Variants in PCDHGB4 observed in about 807,000 individuals in gnomAD.
PCDHGB4 encodes protocadherin gamma subfamily B, 4, also known as protocadherin gamma-B4.
A neutral mutation model predicts 60.5 loss-of-function variants in PCDHGB4; 38 were observed. The observed-to-expected ratio is 0.63, with a 90% CI of 0.48 to 0.82. The LOEUF is 0.82. Ranked by LOEUF, PCDHGB4 falls within the 40% of genes least tolerant of loss-of-function variation. PCDHGB4 has a pLI of 0.00. For synonymous variants in PCDHGB4, 456 were observed against 509.7 expected (o/e 0.89, Z 1.42); for missense variants, 1,109 against 1,209.6 (o/e 0.92, Z 1.23).
intron 1 of PCDHGB4, among the ~76,000 whole-genome samples, chr5:141,444,503 T>C (rs2098438734): frequency 6.6e-6 from 1 of 152,088 alleles, no homozygotes; most frequent in Non-Finnish European, 1.5e-5. Flanking sequence ...AATACTTTGC[T>C]CTAGCAGTAT....
intron 1 of PCDHGB4, among the ~76,000 whole-genome samples, chr5:141,470,504 G>A (rs914828244): frequency 6.6e-6 from 1 of 152,114 alleles, no homozygotes; most frequent in Admixed American, 6.6e-5. Flanking sequence ...TAGGTAATTA[G>A]ACAGTTAGCT....
rs1245731818 is a variant in PCDHGB4, at chr5:141,476,700, A to C, written c.2398-18107A>C. 1 of 1,614,096 alleles carries C rather than the reference A, an allele frequency of 6.2e-7. No homozygotes were observed. Among genetic ancestry groups the C allele is most frequent in the Non-Finnish European group, 8.5e-7 (1 of 1,180,016 alleles). On this transcript the variant is annotated intron_variant, in intron 1 of 3. Coordinates refer to ENST00000519479, the MANE Select transcript of PCDHGB4 (RefSeq NM_003736.4). This position sits in a 1 kb window ranked among gnomAD's most constrained non-coding sequence, Gnocchi z 7.6. Reference sequence around the variant, plus strand: ...CGGGAGGACAGCACCAAGTACGCGGAGCTGGTGTTGGAGCGCGCCCTGGAC... The same window carrying C: ...CGGGAGGACAGCACCAAGTACGCGGCGCTGGTGTTGGAGCGCGCCCTGGAC...
chr5:141,415,428 G>A, intron 1 of PCDHGB4: 1 of 1,614,206 alleles, frequency 6.2e-7, no homozygotes, highest in Non-Finnish European at 8.5e-7. Flanking sequence ...ACGGGGTTCG[G>A]GCTTTCCTGC....
intron 1 of PCDHGB4, chr5:141,407,933 TG>T: frequency 2.0e-6 from 1 of 505,054 alleles, no homozygotes; most frequent in Non-Finnish European, 3.4e-6. Flanking sequence ...ACGGAGCCTC[TG>T]GGCGCCGCTG....
At chr5:141,495,463 G>T (rs1562169154) in intron 2 of PCDHGB4, among the ~76,000 whole-genome samples, 1 of 152,114 alleles carries the variant, frequency 6.6e-6, no homozygotes, top group Non-Finnish European at 1.5e-5. Context: ...TCTGTCTGTG[G>T]GGTCTCCGTG....
chr5:141,489,431 T>C lies in PCDHGB4; in HGVS notation c.2398-5376T>C. 6.2e-7 allele frequency: 1 copy of C among 1,614,132 alleles called. No individual in the cohort carries two copies. Among genetic ancestry groups the C allele is most frequent in the Non-Finnish European group, 8.5e-7 (1 of 1,180,024 alleles). On this transcript the variant is annotated intron_variant, in intron 1 of 3. Transcript: ENST00000519479. This position sits in a 1 kb window ranked among gnomAD's most constrained non-coding sequence, Gnocchi z 4.5. ...ATGACAGATCTGTTGAGCCGGCGGC[T>C]GCAATTGGGCTCTGAGGAGAATGGG...
chr5:141,412,931 T>C (rs1010992022), intron 1 of PCDHGB4: 5 of 453,108 alleles, frequency 1.1e-5, no homozygotes, highest in African/African-American at 2.0e-5. Flanking sequence ...CAGTAACTTC[T>C]TAGGACTCTG....
intron 1 of PCDHGB4, chr5:141,409,924 C>A (rs760490649): frequency 6.2e-7 from 1 of 1,613,416 alleles, no homozygotes; most frequent in Admixed American, 1.7e-5. Flanking sequence ...GCTCCGCGTT[C>A]TTCGATATGG....
intron 1 of PCDHGB4, among the ~76,000 whole-genome samples, chr5:141,481,789 T>TAAAAATAC (rs972511310): frequency 3.3e-5 from 5 of 151,186 alleles, no homozygotes; most frequent in African/African-American, 1.2e-4. Flanking sequence ...CCGTCTCTAC[T>TAAAAATAC]AAAAATACAA....
At chr5:141,404,248 G>C (rs1404333144) in intron 1 of PCDHGB4, 10 of 1,613,694 alleles carry the variant, frequency 6.2e-6, no homozygotes, top group South Asian at 1.1e-5. Context: ...CTCCGCCCCT[G>C]TCCACAGAAA....
intron 3 of PCDHGB4, among the ~76,000 whole-genome samples, chr5:141,510,373 T>TC (rs112437269): frequency 0.25 from 37,727 of 151,394 alleles, 4,765 homozygotes; most frequent in Admixed American, 0.33. Context: ...GAATCTCTAC[T>TC]CGTGCCAGGC....
At chr5:141,423,659 A>T (rs369390148) in intron 1 of PCDHGB4, 133 of 1,551,038 alleles carry the variant, frequency 8.6e-5, no homozygotes, top group Non-Finnish European at 1.1e-4. Context: ...ACAAGTAATC[A>T]GGTGAGATTT....
intron 1 of PCDHGB4, chr5:141,408,732 A>AT: frequency 2.5e-6 from 4 of 1,610,016 alleles, no homozygotes; most frequent in Non-Finnish European, 3.4e-6. Context: ...TCTAATCCTT[A>AT]TTTTTCATTA....
Position 141,485,395 on chromosome 5 carries a change from C to T in PCDHGB4, c.2398-9412C>T. On this transcript the variant is annotated intron_variant, in intron 1 of 3. Coordinates refer to ENST00000519479, the MANE Select transcript of PCDHGB4 (RefSeq NM_003736.4). The surrounding 1 kb of genome is among the most constrained non-coding windows in gnomAD (Gnocchi z 5.7). Reference sequence around the variant, plus strand: ...TCGCTGGAGAGGTGAACCAAAGACACTTCCGTGTGGATTTGGACAGCGGAG... The same window carrying T: ...TCGCTGGAGAGGTGAACCAAAGACATTTCCGTGTGGATTTGGACAGCGGAG... 5 of 1,614,154 alleles carry T rather than the reference C, an allele frequency of 3.1e-6. No homozygotes were observed. Among genetic ancestry groups the T allele is most frequent in the Non-Finnish European group, 3.4e-6 (4 of 1,180,026 alleles).
At position 141,489,646 on chromosome 5, in the gene PCDHGB4, C is replaced by A. The variant is rs1274955075; in HGVS notation, c.2398-5161C>A. 1.2e-6 allele frequency: 2 copies of A among 1,614,186 alleles called. No homozygotes were observed. The highest frequency in any genetic ancestry group is 2.7e-5 in the African/African-American group (2 of 75,048). On this transcript the variant is annotated intron_variant, in intron 1 of 3. Coordinates refer to ENST00000519479, the MANE Select transcript of PCDHGB4 (RefSeq NM_003736.4). This position sits in a 1 kb window ranked among gnomAD's most constrained non-coding sequence, Gnocchi z 4.5. Reference sequence around the variant, plus strand: ...TGACAACTCTCCTAGCTTTGCCACCCCTGAGCGAGAGATGCGCATCTCAGA... The same window carrying A: ...TGACAACTCTCCTAGCTTTGCCACCACTGAGCGAGAGATGCGCATCTCAGA...
rs200792478 is a variant in PCDHGB4, at chr5:141,389,528, G to T, written c.1644G>T (p.Val548=). 2 of 1,613,210 alleles carry T rather than the reference G, an allele frequency of 1.2e-6. No homozygotes were observed. The highest frequency in any genetic ancestry group is 1.7e-6 in the Non-Finnish European group (2 of 1,179,756). ...TCAGCGCGAACGTGAGCCTGCGCGT[G>T]TTAGTGGACGACCGCAACGACAATG... ...PALSANVSLR[V]LVDDRNDNAP... is the part of the protein sequence containing the mutation. The change falls in exon 1 of 4, where the codon GTG becomes GTT. Residue 548 remains valine (V), a synonymous_variant. Coordinates refer to ENST00000519479, the MANE Select transcript of PCDHGB4 (RefSeq NM_003736.4).
At chr5:141,464,556 G>A (rs1158827360) in intron 1 of PCDHGB4, among the ~76,000 whole-genome samples, 4 of 151,990 alleles carry the variant, frequency 2.6e-5, no homozygotes, top group Admixed American at 6.6e-5. Flanking sequence ...TCCCCATCTT[G>A]CATTCCTACA....
chr5:141,430,587 T>C, intron 1 of PCDHGB4: 1 of 521,996 alleles, frequency 1.9e-6, no homozygotes, highest in Non-Finnish European at 3.1e-6. Context: ...CCTGCTCGCC[T>C]TGCACGCGCC....
chr5:141,399,561 G>A, intron 1 of PCDHGB4: 2 of 1,614,042 alleles, frequency 1.2e-6, no homozygotes, highest in Non-Finnish European at 1.7e-6. Flanking sequence ...TGGACTTGGG[G>A]TTGAACGGCC....
Sources: allele counts gnomAD v4.1 joint callset (sites outside exome capture counted in the v4.1 genomes callset), GRCh38; gene constraint gnomAD v4.1.1; non-coding constraint Gnocchi (gnomAD v3.1); transcripts MANE v1.5; gene names NCBI Gene and HGNC (gene_info 2026-07-23, HGNC 2026-07-21).